The following NUTF2 variants were observed in gnomAD, a reference collection of about 807,000 sequenced individuals.
The protein encoded by NUTF2 is placental protein 15.
NUTF2 carries 3 observed loss-of-function variants against 18.5 expected under a neutral mutation model. The observed-to-expected ratio is 0.16, with a 90% CI of 0.07 to 0.42. The LOEUF (loss-of-function observed/expected upper bound fraction) is 0.42. Ranked by LOEUF, NUTF2 falls within the 10% of genes least tolerant of loss-of-function variation. NUTF2 has a pLI of 0.99. For missense variants in NUTF2, 44 were observed against 160.7 expected (o/e 0.27, Z 3.93); for synonymous variants, 51 against 57.9 (o/e 0.88, Z 0.54).
At chr16:67,847,869 T>C (rs983031390) in intron 1 of NUTF2, 3 of 152,326 alleles carry the variant, frequency 2.0e-5, no homozygotes, top group Admixed American at 6.5e-5. Context: ...CCTGAGGTTC[T>C]TGAGCCTAGT....
chr16:67,866,891 A>C (rs1327733673), intron 2 of NUTF2, among the ~76,000 whole-genome samples: 1 of 152,002 alleles, frequency 6.6e-6, no homozygotes, highest in African/African-American at 2.4e-5. Context: ...TACAGGTGTG[A>C]GTTACCATGC....
intron 1 of NUTF2, among the ~76,000 whole-genome samples, chr16:67,855,452 G>A (rs1343433102): frequency 6.6e-6 from 1 of 152,180 alleles, no homozygotes; most frequent in Non-Finnish European, 1.5e-5. Context: ...TACCTGCTGT[G>A]TGCCAGCTCC....
At chr16:67,867,868 A>G (rs935945386) in intron 2 of NUTF2, among the ~76,000 whole-genome samples, 20 of 151,916 alleles carry the variant, frequency 1.3e-4, no homozygotes, top group African/African-American at 4.8e-4. Context: ...TTGCATTTTT[A>G]GTAGAGTTGG....
At chr16:67,850,840 G>T (rs1282015055) in intron 1 of NUTF2, among the ~76,000 whole-genome samples, 1 of 151,410 alleles carries the variant, frequency 6.6e-6, no homozygotes, top group Non-Finnish European at 1.5e-5. Context: ...TCGCTCTGTT[G>T]CCCAGGCTGG....
intron 1 of NUTF2, among the ~76,000 whole-genome samples, chr16:67,853,737 C>G (rs1467761999): frequency 2.0e-5 from 3 of 151,938 alleles, no homozygotes; most frequent in African/African-American, 7.3e-5. Context: ...GTCTTGAACT[C>G]TGGGCTCAAG....
intron 1 of NUTF2, among the ~76,000 whole-genome samples, chr16:67,855,633 G>C (rs938955182): frequency 4.6e-5 from 7 of 152,192 alleles, no homozygotes; most frequent in African/African-American, 1.7e-4. Flanking sequence ...ATCAGAGCCA[G>C]TGGGTCTCCC....
intron 1 of NUTF2, among the ~76,000 whole-genome samples, chr16:67,864,692 ACT>A (rs2057958527): frequency 6.6e-6 from 1 of 151,916 alleles, no homozygotes; most frequent in East Asian, 1.9e-4. Flanking sequence ...AATAGCAATA[ACT>A]CTGTCCTTGC....
At chr16:67,852,506 G>C (rs1489598719) in intron 1 of NUTF2, among the ~76,000 whole-genome samples, 1 of 151,856 alleles carries the variant, frequency 6.6e-6, no homozygotes, top group Non-Finnish European at 1.5e-5. Context: ...ATACCCGCCT[G>C]CCGGTATAAT....
At chr16:67,855,798 C>G (rs906789410) in intron 1 of NUTF2, among the ~76,000 whole-genome samples, 10 of 143,332 alleles carry the variant, frequency 7.0e-5, no homozygotes, top group African/African-American at 2.3e-4. Context: ...TGCTCAGGTT[C>G]TTCCATTCTG....
At chr16:67,850,201 G>T (rs2057842502) in intron 1 of NUTF2, among the ~76,000 whole-genome samples, 1 of 149,766 alleles carries the variant, frequency 6.7e-6, no homozygotes, top group Non-Finnish European at 1.5e-5. Context: ...GAAGTTCCCT[G>T]TAACTTCTTT....
intron 1 of NUTF2, among the ~76,000 whole-genome samples, chr16:67,859,290 C>T (rs1053337868): frequency 6.6e-6 from 1 of 151,506 alleles, no homozygotes; most frequent in African/African-American, 2.4e-5. Context: ...AGCAGTTCTC[C>T]TGCCTTAGCC....
At chr16:67,864,648 A>T (rs1354102051) in intron 1 of NUTF2, among the ~76,000 whole-genome samples, 1 of 152,124 alleles carries the variant, frequency 6.6e-6, no homozygotes, top group Non-Finnish European at 1.5e-5. Context: ...ACACACACAC[A>T]GGTATCAGTT....
chr16:67,870,261 G>C (rs1428329254), intron 4 of NUTF2: 2 of 153,340 alleles, frequency 1.3e-5, no homozygotes, highest in Admixed American at 6.5e-5. Flanking sequence ...GTTAGAGACA[G>C]TGCTGGTTAG....
At chr16:67,852,075 C>A (rs1055250896) in intron 1 of NUTF2, among the ~76,000 whole-genome samples, 5 of 152,056 alleles carry the variant, frequency 3.3e-5, no homozygotes, top group African/African-American at 1.2e-4. Context: ...GGATTCAGCA[C>A]CAGCTCTGAA....
At chr16:67,849,597 C>T (rs984140848) in intron 1 of NUTF2, among the ~76,000 whole-genome samples, 6 of 151,726 alleles carry the variant, frequency 4.0e-5, no homozygotes, top group African/African-American at 1.2e-4. Context: ...GCCTTGGCCT[C>T]CCCAAAGTGC....
chr16:67,847,552 C>T (rs914985553), intron 1 of NUTF2: 7 of 152,444 alleles, frequency 4.6e-5, no homozygotes, highest in African/African-American at 1.7e-4. Flanking sequence ...CCCTCCTTGT[C>T]TGCCCCTCGG....
intron 1 of NUTF2, among the ~76,000 whole-genome samples, chr16:67,849,714 A>C (rs1003752961): frequency 7.1e-6 from 1 of 140,862 alleles, no homozygotes; most frequent in East Asian, 2.2e-4. Context: ...GCTGGAGTGC[A>C]GTGGTGCGAT....
chr16:67,860,068 C>T (rs2057925301), intron 1 of NUTF2, among the ~76,000 whole-genome samples: 1 of 151,988 alleles, frequency 6.6e-6, no homozygotes, highest in South Asian at 2.1e-4. Context: ...CAAGCTCCGC[C>T]TCCTGGGTTC....
chr16:67,854,546 C>G (rs572430193), intron 1 of NUTF2, among the ~76,000 whole-genome samples: 22 of 152,314 alleles, frequency 1.4e-4, no homozygotes, highest in Non-Finnish European at 3.2e-4. Context: ...GTTTTAGAAT[C>G]CAATTCAGAC....
Sources: allele counts gnomAD v4.1 joint callset (sites outside exome capture counted in the v4.1 genomes callset), GRCh38; gene constraint gnomAD v4.1.1; transcripts MANE v1.5; gene names NCBI Gene and HGNC (gene_info 2026-07-23, HGNC 2026-07-21).